Variants in SLC27A2 observed in about 807,000 individuals in gnomAD.
SLC27A2 encodes solute carrier family 27 member 2.
SLC27A2 carries 54 observed loss-of-function variants against 60.0 expected under a neutral mutation model. The ratio of observed to expected loss-of-function variants is 0.90; its 90% confidence interval spans 0.72 to 1.13. The LOEUF (loss-of-function observed/expected upper bound fraction) is 1.13. SLC27A2 is among the 50% of genes most tolerant of loss of function. The pLI is 0.00. For missense variants in SLC27A2, 739 were observed against 777.6 expected (o/e 0.95, Z 0.59); for synonymous variants, 297 against 297.6 (o/e 1.00, Z 0.02).
Position 50,182,641 on chromosome 15 carries a change from C to T in SLC27A2, c.214C>T (p.Leu72=), listed in dbSNP as rs1207691464. ...KARQTPHKPF[L]LFRDETLTYA... ...GCGCCAGACGCCACACAAGCCTTTT[C>T]TGCTCTTCCGCGACGAGACTCTCAC... The change falls in exon 1 of 10, where the codon CTG becomes TTG. Residue 72 remains leucine, a synonymous_variant. Transcript: ENST00000267842. 7 of 1,613,916 alleles carry T rather than the reference C, an allele frequency of 4.3e-6. No individual in the cohort carries two copies. The Admixed American group carries it at 5.0e-5, about 12-fold the overall frequency.
At chr15:50,183,994 C>CTTTTTTTTTTT (rs577766814) in intron 1 of SLC27A2, among the ~76,000 whole-genome samples, 3,617 of 91,092 alleles carry the variant, frequency 0.04, 713 homozygotes, top group Non-Finnish European at 0.059. Context: ...TTTCCTACAT[C>CTTTTTTTTTTT]TTTTTTTTTT....
Position 50,186,424 on chromosome 15 carries a change from GTTGTTTGTTTGT to G in SLC27A2, c.478+3538_478+3549del, listed in dbSNP as rs144371898. Among the ~76,000 whole-genome samples, 16 of 150,760 alleles carry G rather than the reference GTTGTTTGTTTGT, an allele frequency of 1.1e-4. No homozygotes were observed. The East Asian group carries it at 2.4e-3, about 22-fold the overall frequency. On this transcript the variant is annotated intron_variant, in intron 1 of 9. Transcript: ENST00000267842. The stretch of plus-strand genomic sequence containing the variant: ...GTCTAGTTTCCCATTGTTTTTCATT[GTTGTTTGTTTGT>G]TTGTTTGTTTGTTTGTTTTTGAGAC...
chr15:50,185,367 C>A (rs1595678434), intron 1 of SLC27A2, among the ~76,000 whole-genome samples: 2 of 152,096 alleles, frequency 1.3e-5, no homozygotes, highest in African/African-American at 4.8e-5. Flanking sequence ...GAAAAAAAAT[C>A]AGTTTTTCCA....
chr15:50,200,464 T>C (rs1355499796), intron 2 of SLC27A2, among the ~76,000 whole-genome samples: 1 of 151,924 alleles, frequency 6.6e-6, no homozygotes, highest in African/African-American at 2.4e-5. Flanking sequence ...AACAAAAAAC[T>C]GGGCCATTGT....
At chr15:50,203,656 G>T (rs1181435194) in intron 3 of SLC27A2, among the ~76,000 whole-genome samples, 4 of 152,064 alleles carry the variant, frequency 2.6e-5, no homozygotes, top group Non-Finnish European at 5.9e-5. Context: ...ATATGCGTGT[G>T]TGTATATGCA....
chr15:50,199,206 A>G (rs2045046365), intron 2 of SLC27A2, among the ~76,000 whole-genome samples: 1 of 152,186 alleles, frequency 6.6e-6, no homozygotes, highest in Non-Finnish European at 1.5e-5. Context: ...GCATGTTTTC[A>G]CAGTCAAATA....
At chr15:50,205,450 T>C (rs2045104735) in intron 4 of SLC27A2, 87 bp downstream of exon 4, 13 of 1,340,204 alleles carry the variant, frequency 9.7e-6, no homozygotes. Flanking sequence ...TTCAACTGAT[T>C]TGCATATATC....
At chr15:50,203,120 C>T (rs2045079207) in intron 3 of SLC27A2, among the ~76,000 whole-genome samples, 1 of 151,694 alleles carries the variant, frequency 6.6e-6, no homozygotes, top group African/African-American at 2.4e-5. Flanking sequence ...TCCAAGAGTT[C>T]AAGATTGCAG....
At chr15:50,202,452 G>T in intron 2 of SLC27A2, 35 bp from the exon 3 acceptor site, 1 of 1,610,152 alleles carries the variant, frequency 6.2e-7, no homozygotes, top group Non-Finnish European at 8.5e-7. Context: ...GCCCAATCTT[G>T]GTTAACTCAT....
chr15:50,202,530 T>C lies in SLC27A2; in HGVS notation c.732T>C (p.Tyr244=). The change falls in exon 3 of 10, where the codon TAT becomes TAC. Residue 244 remains tyrosine, a synonymous_variant. Transcript: ENST00000267842. The part of the protein sequence containing the change: ...AAMITHQRIW[Y]GTGLTFVSGL... ...TGATCACTCATCAGCGCATATGGTA[T>C]GGAACTGGCCTCACTTTTGTAAGCG... The C allele has an allele frequency of 6.2e-7, 1 of 1,614,222 alleles. No homozygotes were observed. Among genetic ancestry groups the C allele is most frequent in the Non-Finnish European group, 8.5e-7 (1 of 1,180,024 alleles).
Position 50,182,355 on chromosome 15 carries a change from C to A in SLC27A2, c.-73C>A. On this transcript the variant is annotated 5_prime_UTR_variant, in exon 1 of 10. Coordinates refer to ENST00000267842, the MANE Select transcript of SLC27A2 (RefSeq NM_003645.4). ...CGCAGCCCGCCAGTCCGCCCGGAGCCCGCCCAGTCGCCGCGCTGCACGCCC... is the reference window on the plus strand; with the variant it reads ...CGCAGCCCGCCAGTCCGCCCGGAGCACGCCCAGTCGCCGCGCTGCACGCCC... The A allele has an allele frequency of 7.1e-7, 1 of 1,400,928 alleles. No homozygotes were observed. Among genetic ancestry groups the A allele is most frequent in the Non-Finnish European group, 9.3e-7 (1 of 1,079,440 alleles). The allele number at this position is 1,400,928 out of a possible 1,614,324, so 86.8% of individuals were successfully genotyped here. A position where few individuals can be genotyped will look rare whatever the true frequency, so the allele number is the denominator to read the frequency against.
intron 8 of SLC27A2, among the ~76,000 whole-genome samples, chr15:50,229,421 G>T (rs952489116): frequency 1.4e-4 from 21 of 152,222 alleles, no homozygotes; most frequent in African/African-American, 4.8e-4. Flanking sequence ...AGAAGAAAAA[G>T]CTGGGGAAAA....
chr15:50,235,964 C>T lies in SLC27A2; in HGVS notation c.1731C>T (p.Thr577=), dbSNP rs777794890. The change falls in exon 10 of 10, where the codon ACC becomes ACT. Residue 577 remains threonine (T), a synonymous_variant. Coordinates refer to ENST00000267842, the MANE Select transcript of SLC27A2 (RefSeq NM_003645.4). The part of the protein sequence containing the change: ...ITGTFKHRKM[T]LVEEGFNPAV... ...GAACTTTTAAACACCGCAAAATGAC[C>T]CTGGTGGAGGAGGGCTTTAACCCTG... The T allele has an allele frequency of 6.2e-7, 1 of 1,613,610 alleles. No individual in the cohort carries two copies. Among genetic ancestry groups the T allele is most frequent in the African/African-American group, 1.3e-5 (1 of 74,900 alleles).
chr15:50,214,525 C>A (rs2045181356), intron 4 of SLC27A2, among the ~76,000 whole-genome samples: 1 of 152,060 alleles, frequency 6.6e-6, no homozygotes, highest in Non-Finnish European at 1.5e-5. Context: ...AAAAAGAAAA[C>A]TGCAGACCAA....
At chr15:50,185,918 C>T (rs1398477260) in intron 1 of SLC27A2, among the ~76,000 whole-genome samples, 5 of 151,742 alleles carry the variant, frequency 3.3e-5, no homozygotes, top group African/African-American at 1.2e-4. Context: ...CGTGAGCCAC[C>T]ACGCCTGGCC....
intron 1 of SLC27A2, among the ~76,000 whole-genome samples, chr15:50,185,101 C>T (rs576059467): frequency 6.6e-6 from 1 of 152,254 alleles, no homozygotes; most frequent in East Asian, 1.9e-4. Context: ...AGAGGGAGGT[C>T]ACAGGGTTTG....
rs1001211313 is a variant in SLC27A2 at position 50,186,650 on chromosome 15, G to C, written c.478+3745G>C. 3.3e-5 allele frequency among the ~76,000 whole-genome samples: 5 copies of C among 152,136 alleles called. No homozygotes were observed. In the East Asian group the frequency reaches 9.6e-4, roughly 29 times the overall value. On this transcript the variant is annotated intron_variant, in intron 1 of 9. Coordinates refer to ENST00000267842, the MANE Select transcript of SLC27A2 (RefSeq NM_003645.4). ...GATGGGGTTTCACCATGTTGGCCAGGATGATCTCCATCTCTTGACCTCGTG... is the reference window on the plus strand; with the variant it reads ...GATGGGGTTTCACCATGTTGGCCAGCATGATCTCCATCTCTTGACCTCGTG...
chr15:50,232,085 C>G (rs1288392525), intron 8 of SLC27A2, among the ~76,000 whole-genome samples: 1 of 152,348 alleles, frequency 6.6e-6, no homozygotes, highest in East Asian at 1.9e-4. Context: ...GGCCCCCCAT[C>G]CACAGAGGCC....
chr15:50,228,905 A>C, intron 7 of SLC27A2, 40 bp from the exon 8 acceptor site: 661 of 1,395,596 alleles, frequency 4.7e-4, no homozygotes, highest in Non-Finnish European at 6.3e-4. Flanking sequence ...CTGGGCCAGA[A>C]ACCACCAGTG....
Sources: allele counts gnomAD v4.1 joint callset (sites outside exome capture counted in the v4.1 genomes callset), GRCh38; gene constraint gnomAD v4.1.1; transcripts MANE v1.5; gene names NCBI Gene and HGNC (gene_info 2026-07-23, HGNC 2026-07-21).